The following CCSER1 variants were observed in gnomAD, a reference collection of about 807,000 sequenced individuals.
CCSER1 encodes serine-rich coiled-coil domain-containing protein 1.
Under a neutral mutation model 82.0 loss-of-function variants are expected in CCSER1, and 41 were observed. That is an observed-to-expected ratio of 0.50 (90% CI 0.39 to 0.65). The LOEUF (loss-of-function observed/expected upper bound fraction) is 0.65, where lower values mean the gene tolerates loss of function less well. CCSER1 is among the 30% of genes least tolerant of loss of function. The probability of loss-of-function intolerance (pLI) is 0.00; values close to 1 mark genes in which losing one functional copy is unlikely to be tolerated. For synonymous variants in CCSER1, 414 were observed against 383.9 expected, an observed-to-expected ratio of 1.08 and a Z score of -0.92; for missense variants, 1,119 against 1,064.2, an observed-to-expected ratio of 1.05 and a Z score of -0.72.
chr4:90,691,799 C>T (rs926269495), intron 6 of CCSER1, among the ~76,000 whole-genome samples: 1 of 151,340 alleles, frequency 6.6e-6, no homozygotes, highest in African/African-American at 2.4e-5. Context: ...ATTTCATCAC[C>T]CAGGTAATAA....
intron 10 of CCSER1, among the ~76,000 whole-genome samples, chr4:91,223,364 T>G (rs1737901084): frequency 6.6e-6 from 1 of 152,028 alleles, no homozygotes; most frequent in South Asian, 2.1e-4. Context: ...AGCCAATGTA[T>G]CTACAGAAAA....
intron 1 of CCSER1, among the ~76,000 whole-genome samples, chr4:90,227,276 T>C (rs559004433): frequency 1.1e-4 from 17 of 152,376 alleles, no homozygotes; most frequent in Non-Finnish European, 2.5e-4. Flanking sequence ...ACAACAATTC[T>C]AAGAAAACTT....
chr4:90,408,142 C>G (rs563270876), intron 4 of CCSER1, among the ~76,000 whole-genome samples: 21 of 152,296 alleles, frequency 1.4e-4, no homozygotes, highest in African/African-American at 4.8e-4. Context: ...CTGGGAAGCT[C>G]GAACTAGGTA....
chr4:90,862,321 G>A (rs1359269229), intron 8 of CCSER1, among the ~76,000 whole-genome samples: 1 of 151,536 alleles, frequency 6.6e-6, no homozygotes, highest in Non-Finnish European at 1.5e-5. Flanking sequence ...ATGTACGTTA[G>A]AAACAACCTA....
intron 6 of CCSER1, among the ~76,000 whole-genome samples, chr4:90,719,981 TC>T (rs1561011406): frequency 6.6e-6 from 1 of 152,152 alleles, no homozygotes; most frequent in Non-Finnish European, 1.5e-5. Context: ...TTGGAATTTT[TC>T]TGAAAAAAAT....
At chr4:90,884,559 T>G (rs943719527) in intron 8 of CCSER1, among the ~76,000 whole-genome samples, 1 of 152,150 alleles carries the variant, frequency 6.6e-6, no homozygotes, top group Non-Finnish European at 1.5e-5. Context: ...ACAGAAGACT[T>G]GAAAAATGTC....
rs190598504 is a variant in CCSER1, at chr4:91,154,821, C to T, written c.2217+68827C>T. ...TGATTTTATGTTACTCTATATCAGGCGCAGTTTTAAGTGCTCATTTAATCT... is the reference window on the plus strand; with the variant it reads ...TGATTTTATGTTACTCTATATCAGGTGCAGTTTTAAGTGCTCATTTAATCT... On this transcript the variant is annotated intron_variant, in intron 10 of 10. Transcript: ENST00000509176. Among the ~76,000 whole-genome samples the T allele has an allele frequency of 7.9e-4, 120 of 151,908 alleles. 1 individual carries two copies. The highest frequency in any genetic ancestry group is 1.3e-3 in the South Asian group (6 of 4,800).
At chr4:91,152,221 T>A (rs1022707395) in intron 10 of CCSER1, among the ~76,000 whole-genome samples, 1 of 152,204 alleles carries the variant, frequency 6.6e-6, no homozygotes, top group Non-Finnish European at 1.5e-5. Flanking sequence ...CCCTTTACCA[T>A]TATGTAATAG....
At chr4:91,414,780 ATACACT>A (rs1339725232) in intron 10 of CCSER1, among the ~76,000 whole-genome samples, 1 of 152,148 alleles carries the variant, frequency 6.6e-6, no homozygotes, top group African/African-American at 2.4e-5. Context: ...ATTAAACAAA[ATACACT>A]TACAATTAAA....
chr4:90,489,303 G>A (rs565274728), intron 5 of CCSER1, among the ~76,000 whole-genome samples: 67 of 152,184 alleles, frequency 4.4e-4, no homozygotes, highest in African/African-American at 1.4e-3. Flanking sequence ...TAGTATCTTA[G>A]ATACCAATCT....
intron 10 of CCSER1, among the ~76,000 whole-genome samples, chr4:91,192,335 A>C (rs1478336620): frequency 6.6e-6 from 1 of 152,190 alleles, no homozygotes; most frequent in Non-Finnish European, 1.5e-5. Context: ...TCAGATTTCC[A>C]ACATCAAATC....
chr4:91,230,231 T>G (rs1223231391), intron 10 of CCSER1, among the ~76,000 whole-genome samples: 4 of 151,824 alleles, frequency 2.6e-5, no homozygotes, highest in African/African-American at 9.7e-5. Flanking sequence ...AACTGTAGAG[T>G]AAGGATTACA....
intron 5 of CCSER1, among the ~76,000 whole-genome samples, chr4:90,497,268 C>T (rs1769183704): frequency 6.6e-6 from 1 of 152,008 alleles, no homozygotes; most frequent in Admixed American, 6.6e-5. Flanking sequence ...CAGAACCATG[C>T]AAAATGAGAA....
intron 10 of CCSER1, among the ~76,000 whole-genome samples, chr4:91,382,672 C>A (rs1750996105): frequency 6.6e-6 from 1 of 152,172 alleles, no homozygotes; most frequent in Non-Finnish European, 1.5e-5. Flanking sequence ...GGCGATCCCT[C>A]ACCCTCCTTT....
At chr4:91,514,777 G>A (rs1382411551) in intron 10 of CCSER1, among the ~76,000 whole-genome samples, 1 of 152,164 alleles carries the variant, frequency 6.6e-6, no homozygotes, top group Non-Finnish European at 1.5e-5. Flanking sequence ...GAGAGCTGAT[G>A]GCATAGTTCC....
At chr4:90,193,240 G>A (rs1273437212) in intron 1 of CCSER1, among the ~76,000 whole-genome samples, 1 of 152,058 alleles carries the variant, frequency 6.6e-6, no homozygotes, top group Non-Finnish European at 1.5e-5. Flanking sequence ...CTGGAGGCAG[G>A]AACCACTTTG....
At chr4:91,306,492 A>G (rs1402061265) in intron 10 of CCSER1, among the ~76,000 whole-genome samples, 19 of 152,034 alleles carry the variant, frequency 1.2e-4, no homozygotes, top group Non-Finnish European at 2.4e-4. Context: ...TTAAACCTCT[A>G]TACTTGTCAG....
intron 8 of CCSER1, among the ~76,000 whole-genome samples, chr4:90,877,817 G>C (rs927208909): frequency 2.6e-4 from 40 of 151,568 alleles, no homozygotes; most frequent in African/African-American, 8.9e-4. Flanking sequence ...ATAAGATTTG[G>C]TTCTAAGCTT....
At chr4:90,860,157 A>G (rs1457424411) in intron 8 of CCSER1, among the ~76,000 whole-genome samples, 1 of 151,716 alleles carries the variant, frequency 6.6e-6, no homozygotes, top group African/African-American at 2.4e-5. Flanking sequence ...TTCAACAATA[A>G]AAAGAAAAAT....
Sources: gnomAD v4.1 joint callset for allele counts (sites outside exome capture counted in the v4.1 genomes callset) on GRCh38, gnomAD v4.1.1 for gene constraint, MANE v1.5 for transcripts, NCBI Gene and HGNC (gene_info 2026-07-23, HGNC 2026-07-21) for gene names.